The following GPR39 variants were observed in gnomAD, a reference collection of about 807,000 sequenced individuals.
GPR39 encodes zinc sensing receptor.
GPR39 carries 23 observed loss-of-function variants against 18.4 expected under a neutral mutation model. That is an observed-to-expected ratio of 1.25 (90% CI 0.90 to 1.77). GPR39 has a LOEUF of 1.77. GPR39 is among the 40% of genes most tolerant of loss of function. GPR39 has a pLI of 0.00. For synonymous variants in GPR39, 280 were observed against 257.9 expected (o/e 1.09, Z -0.82); for missense variants, 647 against 602.4 (o/e 1.07, Z -0.78).
chr2:132,515,623 C>G (rs573205597), intron 1 of GPR39, among the ~76,000 whole-genome samples: 1 of 152,288 alleles, frequency 6.6e-6, no homozygotes, highest in Non-Finnish European at 1.5e-5. Context: ...CCTGCTTCTT[C>G]TCTCCTGAAG....
At chr2:132,633,313 CCTT>C (rs1201016180) in intron 1 of GPR39, among the ~76,000 whole-genome samples, 1 of 149,744 alleles carries the variant, frequency 6.7e-6, no homozygotes, top group Non-Finnish European at 1.5e-5. Flanking sequence ...TTTTTCCACT[CCTT>C]ATCTTTAAAC....
chr2:132,479,046 T>C (rs934566903), intron 1 of GPR39, among the ~76,000 whole-genome samples: 5 of 152,128 alleles, frequency 3.3e-5, no homozygotes, highest in Non-Finnish European at 7.3e-5. Context: ...TTCTCCCCCT[T>C]CCCAGCACAC....
chr2:132,552,516 T>C (rs1467560414), intron 1 of GPR39, among the ~76,000 whole-genome samples: 1 of 152,134 alleles, frequency 6.6e-6, no homozygotes, highest in African/African-American at 2.4e-5. Context: ...AATGAGCCAA[T>C]TAAACCTGTT....
chr2:132,578,799 CTTTT>C (rs989095344), intron 1 of GPR39, among the ~76,000 whole-genome samples: 1 of 151,618 alleles, frequency 6.6e-6, no homozygotes, highest in African/African-American at 2.4e-5. Context: ...TTTATAGTCT[CTTTT>C]AATATCTTCA....
chr2:132,550,750 A>G (rs1013471088), intron 1 of GPR39, among the ~76,000 whole-genome samples: 1 of 152,262 alleles, frequency 6.6e-6, no homozygotes, highest in Non-Finnish European at 1.5e-5. Flanking sequence ...TGTTACTCAT[A>G]GCGAGAGTTT....
intron 1 of GPR39, among the ~76,000 whole-genome samples, chr2:132,586,667 A>G (rs1329363799): frequency 6.6e-6 from 1 of 152,218 alleles, no homozygotes; most frequent in Non-Finnish European, 1.5e-5. Context: ...TTAAACCACA[A>G]GGTGATAGTC....
intron 1 of GPR39, among the ~76,000 whole-genome samples, chr2:132,598,712 A>G (rs1004373745): frequency 6.6e-6 from 1 of 151,982 alleles, no homozygotes; most frequent in Admixed American, 6.6e-5. Flanking sequence ...ATTCTACAGA[A>G]GCTCTGAATT....
rs1681318872 is a variant in GPR39 at position 132,615,547 on chromosome 2, C to T, written c.857-29554C>T. The stretch of plus-strand genomic sequence containing the variant: ...TGTTAATGCCAGCTGACTTGAGAAC[C>T]ACAGGGGTGTAGGCAGGGCCAATTA... On this transcript the variant is annotated intron_variant, in intron 1 of 1. Coordinates refer to ENST00000329321, the MANE Select transcript of GPR39 (RefSeq NM_001508.3). 2.0e-5 allele frequency among the ~76,000 whole-genome samples: 3 copies of T among 152,078 alleles called. No individual in the cohort carries two copies. In the South Asian group the frequency reaches 6.2e-4, roughly 32 times the overall value.
Position 132,617,800 on chromosome 2 carries a change from G to T in GPR39, c.857-27301G>T, listed in dbSNP as rs146177644. Among the ~76,000 whole-genome samples the T allele has an allele frequency of 1.1e-3, 160 of 152,304 alleles. 1 individual carries two copies. The Middle Eastern group carries it at 0.017, about 16-fold the overall frequency. ...CAGACAGATCTGAGTTCAAACACAG[G>T]CCACACAGCTTAGTTTGCAGAAGTC... On this transcript the variant is annotated intron_variant, in intron 1 of 1. Coordinates refer to ENST00000329321, the MANE Select transcript of GPR39 (RefSeq NM_001508.3).
intron 1 of GPR39, among the ~76,000 whole-genome samples, chr2:132,484,842 C>A (rs935438242): frequency 6.6e-6 from 1 of 152,170 alleles, no homozygotes; most frequent in Non-Finnish European, 1.5e-5. Flanking sequence ...GATAGAAAAT[C>A]GAGTATTAAG....
In GPR39 at chr2:132,558,537, A is replaced by G. The variant is rs576816085; in HGVS notation, c.857-86564A>G. On this transcript the variant is annotated intron_variant, in intron 1 of 1. Coordinates refer to ENST00000329321, the MANE Select transcript of GPR39 (RefSeq NM_001508.3). ...TCCTTTCTGACACAATGTAACTGGC[A>G]GGTCCTAATGAGCTGGGGGCACCGG... Among the ~76,000 whole-genome samples, 15 of 152,316 alleles carry G rather than the reference A, an allele frequency of 9.8e-5. No individual in the cohort carries two copies. In the East Asian group the frequency reaches 2.9e-3, roughly 29 times the overall value.
rs780259344 is a variant in GPR39, at chr2:132,416,808, T to A, written c.-235T>A. ...CTCTCCCCGCCTCGCCCCAGCCACATACACTCCCAAACCTCAACACCCAGG... is the reference window on the plus strand; with the variant it reads ...CTCTCCCCGCCTCGCCCCAGCCACAAACACTCCCAAACCTCAACACCCAGG... On this transcript the variant is annotated 5_prime_UTR_variant, in exon 1 of 2. Transcript: ENST00000329321. The A allele has an allele frequency of 5.0e-6, 3 of 596,736 alleles. No homozygotes were observed. The highest frequency in any genetic ancestry group is 8.9e-6 in the Non-Finnish European group (3 of 338,582). The allele number at this position is 596,736 out of a possible 1,614,324, so 37.0% of individuals were successfully genotyped here.
intron 1 of GPR39, among the ~76,000 whole-genome samples, chr2:132,551,600 T>C (rs911116556): frequency 2.0e-5 from 3 of 152,206 alleles, no homozygotes; most frequent in African/African-American, 7.2e-5. Context: ...TTTATACCTT[T>C]AGTGGAAGAT....
chr2:132,593,943 C>G (rs1379857606), intron 1 of GPR39, among the ~76,000 whole-genome samples: 1 of 152,194 alleles, frequency 6.6e-6, no homozygotes, highest in African/African-American at 2.4e-5. Context: ...TGCCTAGAAA[C>G]TCATTCCTCC....
At chr2:132,554,111 C>T (rs1253938709) in intron 1 of GPR39, among the ~76,000 whole-genome samples, 1 of 152,150 alleles carries the variant, frequency 6.6e-6, no homozygotes, top group East Asian at 1.9e-4. Flanking sequence ...TTTCCTCAGC[C>T]CTTGGGAGAA....
intron 1 of GPR39, among the ~76,000 whole-genome samples, chr2:132,562,215 C>G (rs1680268164): frequency 6.6e-6 from 1 of 152,114 alleles, no homozygotes; most frequent in African/African-American, 2.4e-5. Context: ...AGAGCCACTG[C>G]TTTCATCTCT....
At chr2:132,610,791 AAAAAAAAG>A (rs1681225053) in intron 1 of GPR39, among the ~76,000 whole-genome samples, 2 of 151,696 alleles carry the variant, frequency 1.3e-5, no homozygotes, top group South Asian at 4.2e-4. Context: ...AAAAAAAAAA[AAAAAAAAG>A]AAGAAGAAAT....
chr2:132,581,517 C>T (rs1680622399), intron 1 of GPR39, among the ~76,000 whole-genome samples: 2 of 152,100 alleles, frequency 1.3e-5, no homozygotes, highest in Admixed American at 1.3e-4. Context: ...ATGTCCCTTC[C>T]CTACATTTCT....
chr2:132,479,897 T>C (rs1681200156), intron 1 of GPR39, among the ~76,000 whole-genome samples: 2 of 151,512 alleles, frequency 1.3e-5, no homozygotes, highest in Admixed American at 6.6e-5. Flanking sequence ...GAAATATTTG[T>C]AGACCCACAT....
Sources: allele counts gnomAD v4.1 joint callset (sites outside exome capture counted in the v4.1 genomes callset), GRCh38; gene constraint gnomAD v4.1.1; transcripts MANE v1.5; gene names NCBI Gene and HGNC (gene_info 2026-07-23, HGNC 2026-07-21).